Variants in CNTNAP5 observed in about 807,000 individuals in gnomAD.
The protein encoded by CNTNAP5 is contactin associated protein family member 5.
In CNTNAP5, 72 loss-of-function variants were observed where a neutral mutation model predicts 150.2. The ratio of observed to expected loss-of-function variants is 0.48; its 90% confidence interval spans 0.40 to 0.58. The LOEUF is 0.58. CNTNAP5 is among the 20% of genes least tolerant of loss of function. CNTNAP5 has a pLI of 0.00. For synonymous variants in CNTNAP5, 672 were observed against 619.8 expected (o/e 1.08, Z -1.25); for missense variants, 1,636 against 1,626.2 (o/e 1.01, Z -0.10).
At chr2:124,098,403 C>T (rs534972181) in intron 1 of CNTNAP5, among the ~76,000 whole-genome samples, 2 of 152,130 alleles carry the variant, frequency 1.3e-5, no homozygotes, top group Non-Finnish European at 2.9e-5. Flanking sequence ...TAGATCCATG[C>T]AGTTCTGACC....
chr2:124,728,743 A>C (rs1680210840), intron 13 of CNTNAP5, among the ~76,000 whole-genome samples: 1 of 151,980 alleles, frequency 6.6e-6, no homozygotes, highest in African/African-American at 2.4e-5. Flanking sequence ...TTGGCTTAAA[A>C]CCTTTAATAA....
chr2:124,056,815 C>T (rs1366218404), intron 1 of CNTNAP5, among the ~76,000 whole-genome samples: 1 of 152,150 alleles, frequency 6.6e-6, no homozygotes. Context: ...ATCCTATGGG[C>T]CAGTCCACTT....
At chr2:124,773,735 A>C (rs1335462145) in intron 17 of CNTNAP5, among the ~76,000 whole-genome samples, 1 of 151,864 alleles carries the variant, frequency 6.6e-6, no homozygotes, top group Non-Finnish European at 1.5e-5. Context: ...GAGCACTACC[A>C]CTGCTTTTCA....
chr2:124,641,636 C>T (rs886880853), intron 12 of CNTNAP5, among the ~76,000 whole-genome samples: 1 of 152,174 alleles, frequency 6.6e-6, no homozygotes, highest in Non-Finnish European at 1.5e-5. Flanking sequence ...TAGATAACTA[C>T]AGCAGAAGTG....
intron 22 of CNTNAP5, among the ~76,000 whole-genome samples, chr2:124,904,216 TATATC>T (rs1678481836): frequency 6.6e-6 from 1 of 152,106 alleles, no homozygotes; most frequent in South Asian, 2.1e-4. Context: ...ACATATAAGT[TATATC>T]ATATAGTATT....
intron 12 of CNTNAP5, among the ~76,000 whole-genome samples, chr2:124,612,692 AT>A (rs1677411722): frequency 6.6e-6 from 1 of 152,096 alleles, no homozygotes; most frequent in Non-Finnish European, 1.5e-5. Context: ...TTTGAATATG[AT>A]TTTTTTGGGT....
At chr2:124,635,898 A>G (rs185553575) in intron 12 of CNTNAP5, among the ~76,000 whole-genome samples, 2 of 152,234 alleles carry the variant, frequency 1.3e-5, no homozygotes, top group South Asian at 2.1e-4. Context: ...GAGTTCTCAT[A>G]TTTATGTCTA....
chr2:124,435,834 C>A (rs560777813), intron 5 of CNTNAP5, among the ~76,000 whole-genome samples: 2 of 151,996 alleles, frequency 1.3e-5, no homozygotes, highest in East Asian at 1.9e-4. Flanking sequence ...CTATAGGCAG[C>A]GGTAGCAGAA....
chr2:124,565,618 G>A (rs1696004833), intron 11 of CNTNAP5, among the ~76,000 whole-genome samples: 1 of 48,532 alleles, frequency 2.1e-5, no homozygotes, highest in Admixed American at 2.9e-4. Flanking sequence ...TTTTTTTTTT[G>A]AGATGGAGTC....
intron 3 of CNTNAP5, among the ~76,000 whole-genome samples, chr2:124,407,038 T>C (rs1558886714): frequency 6.6e-6 from 1 of 152,220 alleles, no homozygotes; most frequent in African/African-American, 2.4e-5. Context: ...GATTTCATCC[T>C]TTTTTATGGC....
At position 124,914,319 on chromosome 2, in the gene CNTNAP5, CTTG is replaced by C. The variant is rs766497932; in HGVS notation, c.*37_*39del. 36 of 1,511,978 alleles carry C rather than the reference CTTG, an allele frequency of 2.4e-5. No individual in the cohort carries two copies. Among genetic ancestry groups the C allele is most frequent in the Admixed American group, 1.2e-4 (7 of 57,758 alleles). 93.7% of individuals were successfully genotyped at this position (1,511,978 alleles called of 1,614,324 possible). ...TGCAGGGTTCCTACTACTCTTTTTT[CTTG>C]TTGTTCAATTATCTCCTCCCCCTCT... On this transcript the variant is annotated 3_prime_UTR_variant, in exon 24 of 24. Transcript: ENST00000682447.
chr2:124,549,427 T>G (rs1695582878), intron 10 of CNTNAP5, among the ~76,000 whole-genome samples: 1 of 152,236 alleles, frequency 6.6e-6, no homozygotes, highest in African/African-American at 2.4e-5. Context: ...AAATAAAATT[T>G]TAGTTCTATC....
intron 1 of CNTNAP5, among the ~76,000 whole-genome samples, chr2:124,050,426 T>C (rs974394190): frequency 4.6e-5 from 7 of 151,878 alleles, no homozygotes; most frequent in Non-Finnish European, 8.8e-5. Context: ...ATCTCAACAG[T>C]GCACTACAGC....
At chr2:124,357,016 G>A (rs1036812571) in intron 3 of CNTNAP5, among the ~76,000 whole-genome samples, 4 of 152,122 alleles carry the variant, frequency 2.6e-5, no homozygotes, top group Non-Finnish European at 4.4e-5. Flanking sequence ...GTGTGAGATG[G>A]TATCTCATTG....
chr2:124,127,248 A>C (rs569200235), intron 1 of CNTNAP5, among the ~76,000 whole-genome samples: 77 of 152,294 alleles, frequency 5.1e-4, no homozygotes, highest in African/African-American at 1.7e-3. Flanking sequence ...AATCACAAGC[A>C]TTTCTATACA....
At chr2:124,400,624 A>G (rs564597341) in intron 3 of CNTNAP5, among the ~76,000 whole-genome samples, 32 of 150,092 alleles carry the variant, frequency 2.1e-4, no homozygotes, top group Middle Eastern at 3.5e-3. Flanking sequence ...TTGGCAAGAA[A>G]GTTGAAAAAG....
In CNTNAP5 at chr2:124,251,517, A is replaced by G. The variant is rs117370154; in HGVS notation, c.381+9124A>G. Among the ~76,000 whole-genome samples the G allele has an allele frequency of 1.5e-3, 223 of 150,992 alleles. 3 individuals are homozygous for G. The East Asian group carries it at 0.033, about 22-fold the overall frequency. On this transcript the variant is annotated intron_variant, in intron 3 of 23. Coordinates refer to ENST00000682447, the MANE Select transcript of CNTNAP5 (RefSeq NM_001367498.1). ...AGGAAGGAAGATGTACTTGCAAAAA[A>G]TCTCCCCAAAGAATCATGGACCCCT...
At chr2:124,534,389 C>T (rs1211023414) in intron 10 of CNTNAP5, among the ~76,000 whole-genome samples, 1 of 152,140 alleles carries the variant, frequency 6.6e-6, no homozygotes, top group East Asian at 1.9e-4. Context: ...TGAGTATGCT[C>T]ATAGTTATTT....
chr2:124,644,354 A>G (rs1213636025), intron 12 of CNTNAP5, among the ~76,000 whole-genome samples: 1 of 152,166 alleles, frequency 6.6e-6, no homozygotes, highest in Non-Finnish European at 1.5e-5. Context: ...ACAACCACCA[A>G]TGCAGCTGAG....
Sources: allele counts gnomAD v4.1 joint callset (sites outside exome capture counted in the v4.1 genomes callset), GRCh38; gene constraint gnomAD v4.1.1; transcripts MANE v1.5; gene names NCBI Gene and HGNC (gene_info 2026-07-23, HGNC 2026-07-21).